The following TLCD4 variants were observed in gnomAD, a reference collection of about 807,000 sequenced individuals.
The protein encoded by TLCD4 is TLC domain-containing protein 4.
Under a neutral mutation model 24.2 loss-of-function variants are expected in TLCD4, and 7 were observed. That is an observed-to-expected ratio of 0.29 (90% CI 0.16 to 0.54). The LOEUF is 0.54. Among genes scored for constraint, TLCD4 ranks in the 20% least tolerant of loss-of-function variants. The pLI is 0.95. For synonymous variants in TLCD4, 103 were observed against 106.4 expected, an observed-to-expected ratio of 0.97 and a Z score of 0.20; for missense variants, 259 against 313.9, an observed-to-expected ratio of 0.82 and a Z score of 1.32.
intron 1 of TLCD4, among the ~76,000 whole-genome samples, chr1:95,136,776 C>T (rs913130003): frequency 6.6e-6 from 1 of 152,014 alleles, no homozygotes; most frequent in East Asian, 1.9e-4. Context: ...ATTTGTTGGT[C>T]AGTTATTTGT....
intron 6 of TLCD4, among the ~76,000 whole-genome samples, chr1:95,183,814 G>A (rs911653109): frequency 1.3e-5 from 2 of 152,004 alleles, no homozygotes; most frequent in African/African-American, 4.8e-5. Context: ...CTCCAGCCTG[G>A]CGACAGAGCA....
chr1:95,117,085 C>A (rs886306929), upstream of TLCD4, among the ~76,000 whole-genome samples: 3 of 152,204 alleles, frequency 2.0e-5, no homozygotes, highest in African/African-American at 7.2e-5. Context: ...CTGACCGCTG[C>A]GGGGGCGGGC....
chr1:95,161,464 T>A (rs1677802535), intron 5 of TLCD4, among the ~76,000 whole-genome samples: 1 of 152,216 alleles, frequency 6.6e-6, no homozygotes, highest in South Asian at 2.1e-4. Flanking sequence ...GCTCTTGGAT[T>A]CATTGATTTT....
At chr1:95,164,702 A>G (rs1300309308) in intron 5 of TLCD4, 1 of 152,014 alleles carries the variant, frequency 6.6e-6, no homozygotes, top group African/African-American at 2.4e-5. Context: ...TCTAACTCCT[A>G]CTTTGCTTCT....
chr1:95,156,333 A>T (rs555541334), intron 5 of TLCD4, among the ~76,000 whole-genome samples: 1 of 152,138 alleles, frequency 6.6e-6, no homozygotes, highest in Non-Finnish European at 1.5e-5. Context: ...TCAGATCTTC[A>T]TGGGTGATAC....
At chr1:95,151,917 G>A (rs1197655405) in intron 5 of TLCD4, among the ~76,000 whole-genome samples, 1 of 152,052 alleles carries the variant, frequency 6.6e-6, no homozygotes, top group Non-Finnish European at 1.5e-5. Flanking sequence ...ATCTCAGGCA[G>A]TAAAGCATAT....
intron 5 of TLCD4, among the ~76,000 whole-genome samples, chr1:95,171,074 A>G (rs931324400): frequency 3.3e-5 from 5 of 152,058 alleles, no homozygotes; most frequent in African/African-American, 7.2e-5. Context: ...TTTAGCCGCA[A>G]ATGTGATTTC....
chr1:95,116,300 T>C (rs1262957603), upstream of TLCD4, among the ~76,000 whole-genome samples: 1 of 152,196 alleles, frequency 6.6e-6, no homozygotes, highest in African/African-American at 2.4e-5. Flanking sequence ...ACTGACAGAA[T>C]TCCAGGTTCT....
Position 95,192,141 on chromosome 1 carries a change from C to T in TLCD4, c.*273C>T, listed in dbSNP as rs1384779414. On this transcript the variant is annotated 3_prime_UTR_variant, in exon 7 of 7. Transcript: ENST00000370203. ...TGAAACCTCATCTCTACTAAAAATA[C>T]AAAAAAAAGTAGCTGGGCGTGGTGG... 4.6e-6 allele frequency: 2 copies of T among 439,102 alleles called. No individual in the cohort carries two copies. The highest frequency in any genetic ancestry group is 9.8e-5 in the Admixed American group (2 of 20,322). The allele number at this position is 439,102 out of a possible 1,614,324, so 27.2% of individuals were successfully genotyped here.
At position 95,158,729 on chromosome 1, in the gene TLCD4, C is replaced by T. The variant is rs1382288575; in HGVS notation, c.399+7310C>T. Among the ~76,000 whole-genome samples the T allele has an allele frequency of 8.1e-5, 12 of 148,182 alleles. No homozygotes were observed. In the Admixed American group the frequency reaches 8.2e-4, roughly 10 times the overall value. On this transcript the variant is annotated intron_variant, in intron 5 of 6. Transcript: ENST00000370203. ...TGTGTCCAAGTGTTCTTATCGGTCA[C>T]TTCTCACCTATGAGTGAGAACATGC...
intron 2 of TLCD4, among the ~76,000 whole-genome samples, chr1:95,147,076 A>ATTT (rs573911821): frequency 0.11 from 15,455 of 144,304 alleles, 819 homozygotes; most frequent in Middle Eastern, 0.15. Flanking sequence ...AAGGAATTTA[A>ATTT]TTTTTTTTTT....
chr1:95,118,622 T>A (rs897598357), intron 1 of TLCD4, among the ~76,000 whole-genome samples: 3 of 152,136 alleles, frequency 2.0e-5, no homozygotes. Context: ...TTGAGAAAAA[T>A]TGACCTTGGA....
chr1:95,131,646 C>T (rs991576624), intron 1 of TLCD4, among the ~76,000 whole-genome samples: 1 of 152,168 alleles, frequency 6.6e-6, no homozygotes, highest in African/African-American at 2.4e-5. Flanking sequence ...GAAAATGCAT[C>T]TTTTTGATAG....
intron 1 of TLCD4, among the ~76,000 whole-genome samples, chr1:95,136,094 G>A (rs1478111520): frequency 2.0e-5 from 3 of 151,366 alleles, no homozygotes; most frequent in Admixed American, 6.6e-5. Flanking sequence ...ACATTACTCA[G>A]CCTCTTAGCT....
chr1:95,112,482 G>A (rs1225444914), upstream of TLCD4, among the ~76,000 whole-genome samples: 1 of 152,150 alleles, frequency 6.6e-6, no homozygotes, highest in East Asian at 1.9e-4. Flanking sequence ...TTTGTAAGGT[G>A]CATCAATATG....
At chr1:95,167,822 A>AC (rs1450077007) in intron 5 of TLCD4, among the ~76,000 whole-genome samples, 2 of 151,772 alleles carry the variant, frequency 1.3e-5, no homozygotes, top group East Asian at 3.9e-4. Flanking sequence ...CTCCCTTTCG[A>AC]CCCCCACATT....
At chr1:95,181,202 C>CAAA (rs10560904) in intron 6 of TLCD4, among the ~76,000 whole-genome samples, 2 of 146,782 alleles carry the variant, frequency 1.4e-5, no homozygotes, top group Admixed American at 6.8e-5. Context: ...CAAAACAAAC[C>CAAA]AAAAAAAAAA....
At chr1:95,142,296 T>C (rs1289625369) in intron 1 of TLCD4, among the ~76,000 whole-genome samples, 1 of 149,360 alleles carries the variant, frequency 6.7e-6, no homozygotes, top group African/African-American at 2.4e-5. Context: ...AAAATCTTTT[T>C]TTTTTTTTTT....
intron 2 of TLCD4, among the ~76,000 whole-genome samples, chr1:95,144,913 A>G (rs550484164): frequency 1.4e-3 from 210 of 151,272 alleles, no homozygotes; most frequent in Non-Finnish European, 2.4e-3. Flanking sequence ...CTGGTCTTGA[A>G]CTCCTGACCT....
Sources: allele counts gnomAD v4.1 joint callset (sites outside exome capture counted in the v4.1 genomes callset), GRCh38; gene constraint gnomAD v4.1.1; transcripts MANE v1.5; gene names NCBI Gene and HGNC (gene_info 2026-07-23, HGNC 2026-07-21).